The following NRXN1 variants were observed in gnomAD, a reference collection of about 807,000 sequenced individuals.
The protein encoded by NRXN1 is neurexin 1.
In NRXN1, 39 loss-of-function variants were observed where a neutral mutation model predicts 150.9. The observed-to-expected ratio is 0.26, with a 90% confidence interval of 0.20 to 0.34. The LOEUF (loss-of-function observed/expected upper bound fraction) is 0.34. Among genes scored for constraint, NRXN1 ranks in the 10% least tolerant of loss-of-function variants. The pLI is 1.00. For synonymous variants in NRXN1, 924 were observed against 757.0 expected, an observed-to-expected ratio of 1.22 and a Z score of -3.62; for missense variants, 1,815 against 1,949.9, an observed-to-expected ratio of 0.93 and a Z score of 1.30.
intron 21 of NRXN1, among the ~76,000 whole-genome samples, chr2:49,988,314 G>GAAA (rs74968245): frequency 7.3e-6 from 1 of 136,546 alleles, no homozygotes; most frequent in Admixed American, 7.4e-5. Flanking sequence ...TATTCTATCA[G>GAAA]AAAAAAAAAA....
In NRXN1 at chr2:50,922,446, T is replaced by A. The variant is rs1401333698; in HGVS notation, c.820+212A>T. 6.3e-6 allele frequency: 4 copies of A among 630,216 alleles called. No individual in the cohort carries two copies. The African/African-American group carries it at 7.5e-5, about 12-fold the overall frequency. The allele number at this position is 630,216 out of a possible 1,614,324, so 39.0% of individuals were successfully genotyped here. On this transcript the variant is annotated intron_variant, in intron 4 of 22. Coordinates refer to ENST00000401669, the MANE Select transcript of NRXN1 (RefSeq NM_001330078.2). ...TTTGCAAATATTATAATGCAAGAAA[T>A]GAAGGAAAATAAAAGCCACAGGAAC...
chr2:50,715,928 A>T (rs1010728112), intron 5 of NRXN1, among the ~76,000 whole-genome samples: 5 of 152,012 alleles, frequency 3.3e-5, no homozygotes, highest in African/African-American at 1.2e-4. Context: ...ATTCTTTTTC[A>T]CAGTTATCTT....
At chr2:50,189,328 G>A (rs1434423002) in intron 18 of NRXN1, among the ~76,000 whole-genome samples, 1 of 151,924 alleles carries the variant, frequency 6.6e-6, no homozygotes, top group African/African-American at 2.4e-5. Flanking sequence ...AGAACACATG[G>A]ACACAGGGAG....
chr2:51,002,529 C>T (rs1486187435), intron 2 of NRXN1, among the ~76,000 whole-genome samples: 19 of 151,882 alleles, frequency 1.3e-4, no homozygotes, highest in Non-Finnish European at 1.5e-5. Flanking sequence ...AAGAAACACA[C>T]ATTTATTTTC....
chr2:50,855,562 G>T (rs1232394114), intron 5 of NRXN1, among the ~76,000 whole-genome samples: 2 of 152,038 alleles, frequency 1.3e-5, no homozygotes, highest in African/African-American at 4.8e-5. Flanking sequence ...ATGTGCCAGA[G>T]GTTGAGAAAT....
intron 17 of NRXN1, among the ~76,000 whole-genome samples, chr2:50,361,429 A>T (rs895237390): frequency 2.0e-5 from 3 of 152,180 alleles, no homozygotes; most frequent in African/African-American, 4.8e-5. Flanking sequence ...GATAAAGGGG[A>T]TATCACCACT....
At chr2:50,057,663 G>A (rs1278619474) in intron 19 of NRXN1, among the ~76,000 whole-genome samples, 2 of 152,150 alleles carry the variant, frequency 1.3e-5, no homozygotes, top group African/African-American at 4.8e-5. Flanking sequence ...AATATCTGTA[G>A]AATGAGGTAG....
At chr2:50,732,250 T>C (rs1698191281) in intron 5 of NRXN1, among the ~76,000 whole-genome samples, 2 of 151,998 alleles carry the variant, frequency 1.3e-5, no homozygotes, top group African/African-American at 4.8e-5. Context: ...AAAAACTAAG[T>C]AAAAAGGAAA....
chr2:50,559,477 G>C lies in NRXN1; in HGVS notation c.1321-6452C>G, dbSNP rs148391372. Among the ~76,000 whole-genome samples, 8 of 152,188 alleles carry C rather than the reference G, an allele frequency of 5.3e-5. No homozygotes were observed. The East Asian group carries it at 1.5e-3, about 29-fold the overall frequency. ...CAAATGCAATTTTAGTCACTTCCCT[G>C]TGCATATGCCTAGTTCCACAGAACA... On this transcript the variant is annotated intron_variant, in intron 8 of 22. Transcript: ENST00000401669.
At chr2:50,825,471 A>C (rs1670319829) in intron 5 of NRXN1, among the ~76,000 whole-genome samples, 1 of 152,174 alleles carries the variant, frequency 6.6e-6, no homozygotes, top group African/African-American at 2.4e-5. Context: ...CCAATGATTT[A>C]ATCAATCAGG....
At chr2:50,746,480 C>A (rs1174182392) in intron 5 of NRXN1, among the ~76,000 whole-genome samples, 1 of 151,920 alleles carries the variant, frequency 6.6e-6, no homozygotes, top group Non-Finnish European at 1.5e-5. Flanking sequence ...ATGGCTTAAG[C>A]CCAGGAGCTT....
At chr2:50,807,783 T>A (rs187340227) in intron 5 of NRXN1, among the ~76,000 whole-genome samples, 3 of 152,290 alleles carry the variant, frequency 2.0e-5, no homozygotes, top group Admixed American at 2.0e-4. Context: ...GAGTTACTAG[T>A]ACAAAAGAAA....
At chr2:50,547,408 C>A (rs1418504642) in intron 9 of NRXN1, 3 of 151,962 alleles carry the variant, frequency 2.0e-5, no homozygotes, top group Non-Finnish European at 4.4e-5. Context: ...ATATTTGTGC[C>A]CCAAGAAAAC....
chr2:50,583,163 A>G (rs1672561280), intron 8 of NRXN1, among the ~76,000 whole-genome samples: 1 of 151,580 alleles, frequency 6.6e-6, no homozygotes, highest in Non-Finnish European at 1.5e-5. Context: ...CAAGCCTCCC[A>G]TTTCAGCCTC....
At chr2:50,964,811 C>A (rs534112033) in intron 2 of NRXN1, among the ~76,000 whole-genome samples, 1 of 151,532 alleles carries the variant, frequency 6.6e-6, no homozygotes, top group East Asian at 1.9e-4. Context: ...CCGATTCCAA[C>A]TTCCATTAAG....
intron 5 of NRXN1, among the ~76,000 whole-genome samples, chr2:50,809,618 A>T (rs1444513063): frequency 6.6e-6 from 1 of 152,136 alleles, no homozygotes; most frequent in Non-Finnish European, 1.5e-5. Context: ...CACGCTCCAG[A>T]AAACATAAGA....
chr2:50,710,973 C>G (rs1267012266), intron 5 of NRXN1, among the ~76,000 whole-genome samples: 1 of 152,018 alleles, frequency 6.6e-6, no homozygotes, highest in South Asian at 2.1e-4. Flanking sequence ...TCTGTGGCCC[C>G]CATAATAGAA....
At chr2:50,321,064 AATC>A (rs1274905568) in intron 17 of NRXN1, among the ~76,000 whole-genome samples, 10 of 152,280 alleles carry the variant, frequency 6.6e-5, no homozygotes, top group African/African-American at 1.2e-4. Context: ...GCAAAGAGAA[AATC>A]ATCACCGTCT....
chr2:49,993,200 C>T (rs1682324249), intron 21 of NRXN1, among the ~76,000 whole-genome samples: 1 of 152,102 alleles, frequency 6.6e-6, no homozygotes, highest in Admixed American at 6.6e-5. Context: ...AATGGTGGTA[C>T]ACCCAGATAA....
Sources: allele counts gnomAD v4.1 joint callset (sites outside exome capture counted in the v4.1 genomes callset), GRCh38; gene constraint gnomAD v4.1.1; transcripts MANE v1.5; gene names NCBI Gene and HGNC (gene_info 2026-07-23, HGNC 2026-07-21).